TANC2: variants seen among roughly 807,000 people sequenced by gnomAD.
TANC2 encodes tetratricopeptide repeat, ankyrin repeat and coiled-coil containing 2.
A neutral mutation model predicts 210.5 loss-of-function variants in TANC2; 26 were observed. The ratio of observed to expected loss-of-function variants is 0.12; its 90% CI spans 0.09 to 0.17. TANC2 has a LOEUF of 0.17. TANC2 is among the 10% of genes least tolerant of loss of function. The pLI is 1.00. For synonymous variants in TANC2, 931 were observed against 967.1 expected (o/e 0.96, Z 0.69); for missense variants, 2,129 against 2,608.9 (o/e 0.82, Z 4.01).
chr17:62,984,156 C>G (rs1172671300), intron 1 of TANC2, among the ~76,000 whole-genome samples: 3 of 152,000 alleles, frequency 2.0e-5, no homozygotes, highest in Non-Finnish European at 4.4e-5. Flanking sequence ...CTGATTCAGT[C>G]TCAGTGCTTG....
chr17:63,232,941 C>T (rs964956088), intron 7 of TANC2, among the ~76,000 whole-genome samples: 2 of 152,230 alleles, frequency 1.3e-5, no homozygotes, highest in African/African-American at 4.8e-5. Flanking sequence ...TGTTCGTAAA[C>T]CTCTGGCTGG....
intron 15 of TANC2, 122 bp downstream of exon 15, chr17:63,379,948 A>C: frequency 2.7e-6 from 2 of 740,844 alleles, no homozygotes; most frequent in South Asian, 1.9e-5. Flanking sequence ...AACTTGGTTC[A>C]TCTCCCAACA....
chr17:63,081,963 A>G (rs1374091643), intron 3 of TANC2, among the ~76,000 whole-genome samples: 2 of 152,184 alleles, frequency 1.3e-5, no homozygotes, highest in East Asian at 1.9e-4. Context: ...CAGGAGATCA[A>G]GACCATCCTG....
chr17:63,374,691 A>G (rs2047373678), intron 14 of TANC2, among the ~76,000 whole-genome samples: 1 of 152,216 alleles, frequency 6.6e-6, no homozygotes, highest in Non-Finnish European at 1.5e-5. Context: ...AACCCTACAG[A>G]TAATTTACTC....
chr17:63,131,421 T>C (rs1329448794), intron 4 of TANC2, among the ~76,000 whole-genome samples: 1 of 152,178 alleles, frequency 6.6e-6, no homozygotes, highest in African/African-American at 2.4e-5. Context: ...GTTGATCATG[T>C]TGGTTTCTTT....
At chr17:63,025,821 T>TAAAA (rs1568327265) in intron 2 of TANC2, among the ~76,000 whole-genome samples, 2,167 of 141,356 alleles carry the variant, frequency 0.015, 30 homozygotes, top group Non-Finnish European at 0.025. Flanking sequence ...TAAAATTAAA[T>TAAAA]TAAAATAAAA....
chr17:63,023,146 C>T (rs1436546268), intron 2 of TANC2, among the ~76,000 whole-genome samples: 2 of 152,224 alleles, frequency 1.3e-5, no homozygotes, highest in South Asian at 2.1e-4. Context: ...GGGGCTGCTG[C>T]TGCAGCCACT....
intron 8 of TANC2, among the ~76,000 whole-genome samples, chr17:63,239,559 A>G (rs964877332): frequency 6.6e-6 from 1 of 152,198 alleles, no homozygotes; most frequent in Non-Finnish European, 1.5e-5. Flanking sequence ...GAAATGGCTC[A>G]TCTGAAAGAT....
intron 2 of TANC2, among the ~76,000 whole-genome samples, chr17:63,017,779 A>G (rs1306861463): frequency 6.6e-6 from 1 of 152,228 alleles, no homozygotes; most frequent in Non-Finnish European, 1.5e-5. Flanking sequence ...AATTGGTTAG[A>G]GATTATTTTT....
chr17:63,049,863 G>A (rs368519202), intron 2 of TANC2, among the ~76,000 whole-genome samples: 6 of 152,228 alleles, frequency 3.9e-5, no homozygotes, highest in African/African-American at 1.4e-4. Context: ...ATCATGAATA[G>A]CTGACAGCAT....
At chr17:63,035,146 C>A (rs181370586) in intron 2 of TANC2, among the ~76,000 whole-genome samples, 1 of 152,136 alleles carries the variant, frequency 6.6e-6, no homozygotes, top group East Asian at 1.9e-4. Flanking sequence ...CAGAAACTAC[C>A]CCCCGATCAG....
At chr17:62,980,031 C>G (rs769749443) in intron 1 of TANC2, among the ~76,000 whole-genome samples, 1 of 152,246 alleles carries the variant, frequency 6.6e-6, no homozygotes, top group Non-Finnish European at 1.5e-5. Context: ...TGTCTGACCC[C>G]AGTTTTCACC....
At chr17:63,243,397 G>A (rs1235628424) in intron 8 of TANC2, among the ~76,000 whole-genome samples, 1 of 152,094 alleles carries the variant, frequency 6.6e-6, no homozygotes, top group African/African-American at 2.4e-5. Flanking sequence ...TTGTTTATGA[G>A]AAGACAGATA....
intron 4 of TANC2, chr17:63,130,927 A>G (rs951380615): frequency 6.6e-6 from 1 of 152,236 alleles, no homozygotes; most frequent in African/African-American, 2.4e-5. Flanking sequence ...CAGGAATCCA[A>G]AAACAAAGCA....
chr17:63,234,871 G>A (rs1401845384), intron 7 of TANC2, among the ~76,000 whole-genome samples: 1 of 152,134 alleles, frequency 6.6e-6, no homozygotes, highest in Non-Finnish European at 1.5e-5. Context: ...TCTGCATAAT[G>A]AAGATAGTAA....
At chr17:63,060,868 T>A (rs924452194) in intron 2 of TANC2, among the ~76,000 whole-genome samples, 7 of 152,196 alleles carry the variant, frequency 4.6e-5, no homozygotes, top group African/African-American at 1.7e-4. Context: ...ATTCTTTGTG[T>A]ATTTTAAATA....
chr17:63,371,051 A>G (rs1054449454), intron 14 of TANC2, among the ~76,000 whole-genome samples: 2 of 152,342 alleles, frequency 1.3e-5, no homozygotes, highest in Admixed American at 1.3e-4. Context: ...ATATAAAGAC[A>G]CTTCACAGCA....
chr17:63,151,832 C>T (rs1258312872), intron 5 of TANC2: 1 of 152,066 alleles, frequency 6.6e-6, no homozygotes, highest in African/African-American at 2.4e-5. Context: ...ATAGAAAATA[C>T]TTGTGATGCT....
chr17:62,990,970 G>T (rs796894932), intron 1 of TANC2, among the ~76,000 whole-genome samples: 7 of 152,284 alleles, frequency 4.6e-5, no homozygotes, highest in African/African-American at 1.7e-4. Context: ...TTGCTAAGAG[G>T]TGAAAAGGGT....
Sources: allele counts gnomAD v4.1 joint callset (sites outside exome capture counted in the v4.1 genomes callset), GRCh38; gene constraint gnomAD v4.1.1; transcripts MANE v1.5; gene names NCBI Gene and HGNC (gene_info 2026-07-23, HGNC 2026-07-21).